FBXO34: variants seen among roughly 807,000 people sequenced by gnomAD.
The protein encoded by FBXO34 is F-box protein 34, also known as F-box only protein 34.
Under a neutral mutation model 24.5 loss-of-function variants are expected in FBXO34, and 12 were observed. That is an observed-to-expected ratio of 0.49 (90% CI 0.31 to 0.79). The LOEUF (loss-of-function observed/expected upper bound fraction) is 0.79, where lower values mean the gene tolerates loss of function less well. Among genes scored for constraint, FBXO34 ranks in the 30% least tolerant of loss-of-function variants. The pLI, the probability that FBXO34 is intolerant of heterozygous loss-of-function variation, is 0.04. For synonymous variants in FBXO34, 320 were observed against 311.9 expected, an observed-to-expected ratio of 1.03 and a Z score of -0.27; for missense variants, 823 against 857.7, an observed-to-expected ratio of 0.96 and a Z score of 0.51.
chr14:55,397,405 C>T, the FBXO34 span: 5 of 1,613,570 alleles, frequency 3.1e-6, no homozygotes, highest in South Asian at 4.4e-5. Flanking sequence ...GCTCTTAAGT[C>T]GGCTTAACCT....
intron 1 of FBXO34, among the ~76,000 whole-genome samples, chr14:55,348,743 A>G (rs1406615925): frequency 6.6e-6 from 1 of 152,244 alleles, no homozygotes; most frequent in East Asian, 1.9e-4. Flanking sequence ...TGGCTAGAAG[A>G]TATCAATATC....
At chr14:55,338,048 CTT>C (rs58194693) in intron 1 of FBXO34, among the ~76,000 whole-genome samples, 14 of 88,244 alleles carry the variant, frequency 1.6e-4, no homozygotes, top group East Asian at 4.4e-4. Context: ...GTATGTACTT[CTT>C]TTTTTTTTTT....
At chr14:55,397,085 A>G in the FBXO34 span, among the ~76,000 whole-genome samples, 1 of 152,218 alleles carries the variant, frequency 6.6e-6, no homozygotes, top group Non-Finnish European at 1.5e-5. Flanking sequence ...AAGTCTACTA[A>G]TCATGCTGAC....
Position 55,351,143 on chromosome 14 carries a change from C to G in FBXO34, c.753C>G (p.Ser251=). Residue 251 remains serine (S), a synonymous_variant, in exon 2 of 2, where the codon TCC becomes TCG. Transcript: ENST00000313833. ...QSRGVPAVSE[S]YSAPGACEEP... ...GAGGTGTGCCTGCAGTGTCTGAGTCCTATTCTGCCCCAGGAGCTTGTGAAG... is the reference window on the plus strand; with the variant it reads ...GAGGTGTGCCTGCAGTGTCTGAGTCGTATTCTGCCCCAGGAGCTTGTGAAG... 1 of 1,614,176 alleles carries G rather than the reference C, an allele frequency of 6.2e-7. No homozygotes were observed. The highest frequency in any genetic ancestry group is 8.5e-7 in the Non-Finnish European group (1 of 1,180,024).
the FBXO34 span, chr14:55,429,081 A>G: frequency 1.2e-5 from 17 of 1,377,466 alleles, no homozygotes; most frequent in East Asian, 9.3e-5. Context: ...CTTTCAATGT[A>G]TACTATGAAG....
chr14:55,370,706 A>G (rs1366434345), downstream of FBXO34, among the ~76,000 whole-genome samples: 1 of 151,622 alleles, frequency 6.6e-6, no homozygotes, highest in Non-Finnish European at 1.5e-5. Flanking sequence ...CAGTGGCGCC[A>G]TCTTGGCTCC....
At chr14:55,314,345 A>C (rs940401238) in intron 1 of FBXO34, among the ~76,000 whole-genome samples, 2 of 152,248 alleles carry the variant, frequency 1.3e-5, no homozygotes, top group Non-Finnish European at 2.9e-5. Context: ...CGGTCTTAAC[A>C]GTGCTTTGAC....
chr14:55,379,655 A>G, the FBXO34 span, among the ~76,000 whole-genome samples: 4 of 152,224 alleles, frequency 2.6e-5, no homozygotes, highest in African/African-American at 9.6e-5. Flanking sequence ...TTGAAATGCA[A>G]TGATAGTTGG....
downstream of FBXO34, among the ~76,000 whole-genome samples, chr14:55,371,010 A>C (rs1314811188): frequency 1.3e-5 from 2 of 152,042 alleles, no homozygotes; most frequent in East Asian, 3.9e-4. Flanking sequence ...GCCAGGCTGC[A>C]TGTCCTCCCT....
chr14:55,332,497 TTTAA>T (rs1883630502), intron 1 of FBXO34, among the ~76,000 whole-genome samples: 2 of 152,170 alleles, frequency 1.3e-5, no homozygotes, highest in African/African-American at 2.4e-5. Context: ...CTGGGTAATG[TTTAA>T]TTATTTGTTG....
chr14:55,407,741 G>A, the FBXO34 span, among the ~76,000 whole-genome samples: 1 of 152,198 alleles, frequency 6.6e-6, no homozygotes, highest in Non-Finnish European at 1.5e-5. Context: ...ATTACACATT[G>A]TGTGTGGTAC....
At chr14:55,300,610 C>T (rs1156273852) in intron 1 of FBXO34, among the ~76,000 whole-genome samples, 1 of 152,130 alleles carries the variant, frequency 6.6e-6, no homozygotes, top group Admixed American at 6.5e-5. Context: ...AAAGAAACCA[C>T]GTTATTTGTT....
At chr14:55,428,926 C>T in the FBXO34 span, 3 of 1,614,186 alleles carry the variant, frequency 1.9e-6, no homozygotes, top group South Asian at 3.3e-5. Context: ...ACCCAAGCTT[C>T]TGCACCACAC....
At chr14:55,360,362 C>T (rs958437907) in intron 3 of FBXO34, among the ~76,000 whole-genome samples, 4 of 152,136 alleles carry the variant, frequency 2.6e-5, no homozygotes, top group South Asian at 2.1e-4. Context: ...CATGAGCCAC[C>T]ACGCCCAGCC....
intron 1 of FBXO34, among the ~76,000 whole-genome samples, chr14:55,277,226 T>A (rs1430909743): frequency 6.6e-6 from 1 of 152,264 alleles, no homozygotes; most frequent in African/African-American, 2.4e-5. Context: ...GTTCAAATGG[T>A]CTACTTTGTT....
At chr14:55,382,311 A>G in the FBXO34 span, 3 of 788,308 alleles carry the variant, frequency 3.8e-6, no homozygotes, top group Non-Finnish European at 6.0e-6. Context: ...ATTTTACATT[A>G]AATTTTTATT....
At position 55,324,102 on chromosome 14, in the gene FBXO34, C is replaced by G. The variant is rs1406510430; in HGVS notation, c.-10-26279C>G. 2.6e-5 allele frequency among the ~76,000 whole-genome samples: 4 copies of G among 152,048 alleles called. No homozygotes were observed. The South Asian group carries it at 8.3e-4, about 32-fold the overall frequency. ...TTACCCTGCATTCCCTCCTCCCCCC[C>G]AGTGGTTGCCCTAGGCAACAACTGT... On this transcript the variant is annotated intron_variant, in intron 1 of 1. Coordinates refer to ENST00000313833, the MANE Select transcript of FBXO34 (RefSeq NM_017943.4).
chr14:55,355,976 C>T (rs1884517050), downstream of FBXO34, among the ~76,000 whole-genome samples: 1 of 152,210 alleles, frequency 6.6e-6, no homozygotes, highest in Admixed American at 6.5e-5. Flanking sequence ...ACTCCCACTG[C>T]AGCTATGTGG....
the FBXO34 span, chr14:55,436,614 G>A: frequency 6.2e-7 from 1 of 1,614,232 alleles, no homozygotes; most frequent in South Asian, 1.1e-5. Context: ...TTGGTGTCAT[G>A]GGAGTTATGG....
Sources: gnomAD v4.1 joint callset for allele counts (sites outside exome capture counted in the v4.1 genomes callset) on GRCh38, gnomAD v4.1.1 for gene constraint, MANE v1.5 for transcripts, NCBI Gene and HGNC (gene_info 2026-07-23, HGNC 2026-07-21) for gene names.